The following TPD52L1 variants were observed in gnomAD, a reference collection of about 807,000 sequenced individuals.
The protein encoded by TPD52L1 is tumor protein D53.
In TPD52L1, 18 loss-of-function variants were observed where a neutral mutation model predicts 28.7. The ratio of observed to expected loss-of-function variants is 0.63; its 90% CI spans 0.43 to 0.93. The LOEUF (loss-of-function observed/expected upper bound fraction) is 0.93, where lower values mean the gene tolerates loss of function less well. Among genes scored for constraint, TPD52L1 ranks in the 40% least tolerant of loss-of-function variants. The probability of loss-of-function intolerance (pLI) is 0.00; values close to 1 mark genes in which losing one functional copy is unlikely to be tolerated. For synonymous variants in TPD52L1, 75 were observed against 88.8 expected (o/e 0.84, Z 0.88); for missense variants, 203 against 254.8 (o/e 0.80, Z 1.39).
At chr6:125,196,113 A>G (rs1793425783) in intron 1 of TPD52L1, among the ~76,000 whole-genome samples, 1 of 152,326 alleles carries the variant, frequency 6.6e-6, no homozygotes, top group East Asian at 1.9e-4. Flanking sequence ...GTTAACCTCA[A>G]AGATTCTAAT....
intron 1 of TPD52L1, among the ~76,000 whole-genome samples, chr6:125,163,518 G>T (rs1448707483): frequency 6.6e-6 from 1 of 151,180 alleles, no homozygotes; most frequent in East Asian, 1.9e-4. Flanking sequence ...GGAGTTTGAG[G>T]TTGCAGTGAG....
chr6:125,174,494 T>G (rs1791702389), intron 1 of TPD52L1, among the ~76,000 whole-genome samples: 2 of 152,166 alleles, frequency 1.3e-5, no homozygotes, highest in African/African-American at 4.8e-5. Flanking sequence ...TGCATGCAAA[T>G]CTGAAGCATC....
At chr6:125,253,860 AT>A in intron 5 of TPD52L1, 105 bp downstream of exon 5, 1 of 1,094,752 alleles carries the variant, frequency 9.1e-7, no homozygotes, top group Non-Finnish European at 1.4e-6. Context: ...GTGAAAGGAA[AT>A]TGCTGATGGT....
intron 1 of TPD52L1, among the ~76,000 whole-genome samples, chr6:125,177,861 T>C (rs1582867601): frequency 6.6e-6 from 1 of 152,322 alleles, no homozygotes; most frequent in East Asian, 1.9e-4. Flanking sequence ...TCAATTAATA[T>C]ACTCAATTTC....
chr6:125,251,128 A>G (rs1484655961), intron 4 of TPD52L1, among the ~76,000 whole-genome samples: 1 of 152,232 alleles, frequency 6.6e-6, no homozygotes, highest in East Asian at 1.9e-4. Context: ...AAAAGACCTT[A>G]AATGGGAAAA....
chr6:125,157,683 A>G (rs1486090936), intron 1 of TPD52L1, among the ~76,000 whole-genome samples: 1 of 152,186 alleles, frequency 6.6e-6, no homozygotes, highest in Non-Finnish European at 1.5e-5. Flanking sequence ...TCAATATTTT[A>G]TTATTCTAAA....
intron 4 of TPD52L1, chr6:125,251,951 G>C: frequency 6.7e-7 from 1 of 1,499,990 alleles, no homozygotes; most frequent in South Asian, 1.2e-5. Flanking sequence ...ACCAAGGGCA[G>C]TGCAGTGTTT....
chr6:125,238,257 T>G (rs561826579), intron 3 of TPD52L1, among the ~76,000 whole-genome samples: 1 of 152,344 alleles, frequency 6.6e-6, no homozygotes, highest in African/African-American at 2.4e-5. Context: ...CACTAAAATC[T>G]TCTAATGATG....
At chr6:125,259,005 T>C (rs975163207) in intron 6 of TPD52L1, among the ~76,000 whole-genome samples, 1 of 152,250 alleles carries the variant, frequency 6.6e-6, no homozygotes, top group Non-Finnish European at 1.5e-5. Context: ...TCCTTTTTTT[T>C]CCCACTAGAC....
chr6:125,189,448 G>T (rs1054441036), intron 1 of TPD52L1, among the ~76,000 whole-genome samples: 10 of 152,146 alleles, frequency 6.6e-5, no homozygotes, highest in African/African-American at 1.9e-4. Flanking sequence ...TGGGAGCAAA[G>T]AATTTCAAAA....
chr6:125,208,954 T>G, intron 1 of TPD52L1: 1 of 985,334 alleles, frequency 1.0e-6, no homozygotes, highest in African/African-American at 1.7e-5. Context: ...TAGAAGCCTG[T>G]GCTGAGCTGT....
intron 6 of TPD52L1, 89 bp from the exon 7 acceptor site, chr6:125,262,745 A>C (rs1385445562): frequency 6.7e-6 from 10 of 1,483,734 alleles, no homozygotes; most frequent in African/African-American, 1.4e-5. Flanking sequence ...TCTGAATTTG[A>C]AAGTAATCCA....
chr6:125,238,995 A>G (rs1323031880), intron 3 of TPD52L1, among the ~76,000 whole-genome samples: 4 of 152,202 alleles, frequency 2.6e-5, no homozygotes, highest in Non-Finnish European at 5.9e-5. Context: ...GGAAATCCCA[A>G]TAGTGGGATT....
rs1442022222 is a variant in TPD52L1 at position 125,233,868 on chromosome 6, A to G, written c.284+4602A>G. ...CAAATTAGTAAAACATGTCAAGTGGACTTTGCATGAAAAGTCAACAGAATG... is the reference window on the plus strand; with the variant it reads ...CAAATTAGTAAAACATGTCAAGTGGGCTTTGCATGAAAAGTCAACAGAATG... On this transcript the variant is annotated intron_variant, in intron 3 of 6. Coordinates refer to ENST00000534000, the MANE Select transcript of TPD52L1 (RefSeq NM_003287.4). 2.0e-5 allele frequency among the ~76,000 whole-genome samples: 3 copies of G among 152,228 alleles called. 1 individual carries two copies. The highest frequency in any genetic ancestry group is 2.0e-4 in the Admixed American group (3 of 15,284).
At chr6:125,202,587 G>GAGA (rs147691134) in intron 1 of TPD52L1, among the ~76,000 whole-genome samples, 3 of 152,022 alleles carry the variant, frequency 2.0e-5, no homozygotes, top group Non-Finnish European at 4.4e-5. Flanking sequence ...GGAGGAGAAG[G>GAGA]AGAAGAAGAA....
intron 5 of TPD52L1, among the ~76,000 whole-genome samples, chr6:125,256,267 T>C (rs1169513017): frequency 6.6e-6 from 1 of 152,090 alleles, no homozygotes; most frequent in Non-Finnish European, 1.5e-5. Context: ...GGAGAATCGC[T>C]TGAACCTGGG....
intron 1 of TPD52L1, among the ~76,000 whole-genome samples, chr6:125,157,989 C>G (rs1001817731): frequency 1.3e-5 from 2 of 152,110 alleles, no homozygotes; most frequent in African/African-American, 4.8e-5. Flanking sequence ...TTCCTGGTGG[C>G]TGCCGACATT....
At chr6:125,181,708 G>A (rs1398712571) in intron 1 of TPD52L1, among the ~76,000 whole-genome samples, 1 of 152,210 alleles carries the variant, frequency 6.6e-6, no homozygotes, top group Non-Finnish European at 1.5e-5. Context: ...TAGAATGGAT[G>A]CTAAATTGTA....
chr6:125,213,905 T>C (rs759784776), intron 1 of TPD52L1, among the ~76,000 whole-genome samples: 1 of 152,022 alleles, frequency 6.6e-6, no homozygotes, highest in Non-Finnish European at 1.5e-5. Flanking sequence ...CCAGAAAGCT[T>C]AGTGAATGGG....
Sources: gnomAD v4.1 joint callset for allele counts (sites outside exome capture counted in the v4.1 genomes callset) on GRCh38, gnomAD v4.1.1 for gene constraint, MANE v1.5 for transcripts, NCBI Gene and HGNC (gene_info 2026-07-23, HGNC 2026-07-21) for gene names.